RYR1: variants seen among roughly 807,000 people sequenced by gnomAD.
The protein encoded by RYR1 is ryanodine receptor 1.
Under a neutral mutation model 583.5 loss-of-function variants are expected in RYR1, and 342 were observed. That is an observed-to-expected ratio of 0.59 (90% CI 0.54 to 0.64). RYR1 has a LOEUF of 0.64. RYR1 is among the 30% of genes least tolerant of loss of function. The pLI is 0.00. For synonymous variants in RYR1, 2,791 were observed against 2,822.5 expected, an observed-to-expected ratio of 0.99 and a Z score of 0.35; for missense variants, 6,032 against 6,917.2, an observed-to-expected ratio of 0.87 and a Z score of 4.54.
intron 87 of RYR1, among the ~76,000 whole-genome samples, chr19:38,544,391 A>G (rs947330297): frequency 1.3e-5 from 2 of 152,158 alleles, no homozygotes; most frequent in Non-Finnish European, 2.9e-5. Flanking sequence ...AGCCTTGCCA[A>G]TGTCTCACGA....
At position 38,506,950 on chromosome 19, in the gene RYR1, A is replaced by G; in HGVS notation, c.8814A>G (p.Thr2938=). The change falls in exon 57 of 106, where the codon ACA becomes ACG. Residue 2938 remains threonine (T), a splice_region_variant and synonymous_variant. Coordinates refer to ENST00000359596, the MANE Select transcript of RYR1 (RefSeq NM_000540.3). ...KFLQMNGYAV[T]RGLKDMELDS... is the part of the protein sequence containing the mutation. ...TGCAGATGAATGGCTACGCGGTTAC[A>G]AGGCACGCGGGTTGGGGCTCCCGCG... 1 of 1,612,476 alleles carries G rather than the reference A, an allele frequency of 6.2e-7. No individual in the cohort carries two copies. The highest frequency in any genetic ancestry group is 8.5e-7 in the Non-Finnish European group (1 of 1,179,998).
rs756202842 is a variant in RYR1, at chr19:38,543,309, A to G, written c.11690-38A>G. Reference sequence around the variant, plus strand: ...ACCCACTGTTCATCTCCCCTAGCACATGGGAGGTGCTGGATAAATGACTTT... The same window carrying G: ...ACCCACTGTTCATCTCCCCTAGCACGTGGGAGGTGCTGGATAAATGACTTT... On this transcript the variant is annotated intron_variant, in intron 84 of 105. Transcript: ENST00000359596. This position sits in a 1 kb window ranked among gnomAD's most constrained non-coding sequence, Gnocchi z 4.4. 31 of 1,548,730 alleles carry G rather than the reference A, an allele frequency of 2.0e-5. No homozygotes were observed. Among genetic ancestry groups the G allele is most frequent in the Middle Eastern group, 3.4e-4 (2 of 5,954 alleles).
At chr19:38,549,126 C>T (rs529562561) in intron 89 of RYR1, among the ~76,000 whole-genome samples, 1 of 152,246 alleles carries the variant, frequency 6.6e-6, no homozygotes, top group East Asian at 1.9e-4. Flanking sequence ...CAGTCACTAA[C>T]TAGACCATTC....
chr19:38,486,322 T>C lies in RYR1; in HGVS notation c.5547+120T>C, dbSNP rs188013375. The C allele has an allele frequency of 2.5e-5, 30 of 1,195,050 alleles. No homozygotes were observed. In the Admixed American group the frequency reaches 4.9e-4, roughly 20 times the overall value. 74.0% of individuals were successfully genotyped at this position (1,195,050 alleles called of 1,614,324 possible). A position where few individuals can be genotyped will look rare whatever the true frequency, so the allele number is the denominator to read the frequency against. On this transcript the variant is annotated intron_variant, in intron 34 of 105. Transcript: ENST00000359596. ...CCAACCACCCATTCATTCCCTCCTC[T>C]ATACATCCATCCACCTTTCTTTTTA...
In RYR1 at chr19:38,485,906, A is replaced by G. The variant is rs774729213; in HGVS notation, c.5251A>G (p.Arg1751Gly). The G allele has an allele frequency of 6.2e-7, 1 of 1,613,768 alleles. No individual in the cohort carries two copies. Among genetic ancestry groups the G allele is most frequent in the Non-Finnish European group, 8.5e-7 (1 of 1,179,980 alleles). Residue 1751 changes from arginine (R) to glycine (G), a missense_variant, in exon 34 of 106, where the codon AGG becomes GGG. By Grantham distance (125) the Arg-to-Gly change is moderately radical. Around this residue, in one of 11 missense-constraint regions of RYR1, gnomAD observed 2,627 missense variants for 2,961.3 expected, o/e 0.89. Coordinates refer to ENST00000359596, the MANE Select transcript of RYR1 (RefSeq NM_000540.3). ...CGCCATCACGCTCTTCCCTCCTGGA[A>G]GGAGCACAGAAAATGGTCACCCCCG... The part of the protein sequence containing the change: ...TRAITLFPPG[R>G]STENGHPRHG...
At chr19:38,533,240 CA>C (rs1971821415) in intron 78 of RYR1, among the ~76,000 whole-genome samples, 1 of 152,118 alleles carries the variant, frequency 6.6e-6, no homozygotes, top group South Asian at 2.1e-4. Flanking sequence ...CAAGGCCAGG[CA>C]GCAAGAAAGA....
intron 9 of RYR1, among the ~76,000 whole-genome samples, chr19:38,447,569 C>T (rs112774101): frequency 0.071 from 8,828 of 124,900 alleles, 331 homozygotes; most frequent in Middle Eastern, 0.22. Context: ...AGGCCGGGGG[C>T]GGTGGCTCAC....
intron 55 of RYR1, 41 bp downstream of exon 55, chr19:38,506,418 T>G: frequency 6.2e-7 from 1 of 1,612,684 alleles, no homozygotes. Flanking sequence ...AGGGTGTCTT[T>G]GGGGGGGCTG....
At chr19:38,574,536 G>A (rs1217719492) in intron 96 of RYR1, among the ~76,000 whole-genome samples, 1 of 152,132 alleles carries the variant, frequency 6.6e-6, no homozygotes, top group Non-Finnish European at 1.5e-5. Context: ...GGAGGCTGAG[G>A]CTGGAGGATG....
intron 19 of RYR1, among the ~76,000 whole-genome samples, chr19:38,459,657 C>T (rs1183992717): frequency 1.0e-5 from 1 of 95,462 alleles, no homozygotes; most frequent in African/African-American, 3.4e-5. Context: ...TTCCCAGTGA[C>T]TCCAGAATCT....
At chr19:38,564,731 G>C (rs890041411) in intron 90 of RYR1, among the ~76,000 whole-genome samples, 3 of 152,130 alleles carry the variant, frequency 2.0e-5, no homozygotes, top group Non-Finnish European at 2.9e-5. Context: ...GGCCAGGCTG[G>C]TCTCGAACTC....
chr19:38,526,836 C>A, intron 71 of RYR1, 157 bp from the exon 72 acceptor site: 1 of 716,060 alleles, frequency 1.4e-6, no homozygotes. Context: ...CTTCTGACCC[C>A]GTCAACCTCT....
chr19:38,504,254 A>G lies in RYR1; in HGVS notation c.7961A>G (p.Tyr2654Cys). ...AACCACTATGAGCGCTGTTGGAAGT[A>G]CTACTGCCTACCCACGGGCTGGGCC... Reference protein sequence around the residue: ...LTNHYERCWKYYCLPTGWANF... With the variant: ...LTNHYERCWKCYCLPTGWANF... The change falls in exon 50 of 106, where the codon TAC becomes TGC. Residue 2654 changes from tyrosine (Y) to cysteine (C), a missense_variant. Around this residue, in one of 11 missense-constraint regions of RYR1, gnomAD observed 1,493 missense variants for 1,715.5 expected, o/e 0.87. Coordinates refer to ENST00000359596, the MANE Select transcript of RYR1 (RefSeq NM_000540.3). The G allele has an allele frequency of 6.2e-7, 1 of 1,614,016 alleles. No homozygotes were observed. The highest frequency in any genetic ancestry group is 8.5e-7 in the Non-Finnish European group (1 of 1,179,998).
chr19:38,527,956 G>T, intron 73 of RYR1, 172 bp downstream of exon 73: 1 of 723,804 alleles, frequency 1.4e-6, no homozygotes, highest in South Asian at 1.9e-5. Flanking sequence ...GGAGGGGTCT[G>T]CTGCTTAATC....
chr19:38,473,682 C>A lies in RYR1; in HGVS notation c.4071C>A (p.Pro1357=), dbSNP rs375709463. Residue 1357 remains proline, a synonymous_variant, in exon 28 of 106, where the codon CCC becomes CCA. Transcript: ENST00000359596. ...AAGGGACTGCGAAGGAGGGCGCCCC[C>A]GGGGGCACCCCGCAGGCGGGGGGAG... is the stretch of plus-strand genomic sequence containing the variant. ...GKEGTAKEGA[P]GGTPQAGGEA... is the part of the protein sequence containing the mutation. 1 of 1,550,296 alleles carries A rather than the reference C, an allele frequency of 6.5e-7. No homozygotes were observed. The highest frequency in any genetic ancestry group is 2.4e-5 in the East Asian group (1 of 41,070).
At chr19:38,460,172 C>T (rs1967649182) in intron 19 of RYR1, among the ~76,000 whole-genome samples, 1 of 152,142 alleles carries the variant, frequency 6.6e-6, no homozygotes, top group Non-Finnish European at 1.5e-5. Flanking sequence ...CTCCCTGGCT[C>T]TTAATTCCCT....
At chr19:38,455,113 T>C in intron 13 of RYR1, 122 bp from the exon 14 acceptor site, 1 of 1,206,092 alleles carries the variant, frequency 8.3e-7, no homozygotes, top group Non-Finnish European at 1.2e-6. Context: ...AAGGGGCTGA[T>C]TTAGATCTGG....
At chr19:38,583,363 C>T (rs868422707) in intron 101 of RYR1, among the ~76,000 whole-genome samples, 6 of 151,162 alleles carry the variant, frequency 4.0e-5, no homozygotes, top group African/African-American at 7.3e-5. Flanking sequence ...CCTGTATTCC[C>T]GACTACTCAG....
intron 20 of RYR1, among the ~76,000 whole-genome samples, chr19:38,462,857 AC>A (rs1243341163): frequency 1.4e-5 from 2 of 141,960 alleles, no homozygotes; most frequent in Non-Finnish European, 3.0e-5. Context: ...GGGGAGACAG[AC>A]CCGTCCCAGA....
Sources: allele counts gnomAD v4.1 joint callset (sites outside exome capture counted in the v4.1 genomes callset), GRCh38; gene constraint gnomAD v4.1.1; regional missense constraint gnomAD v4.1.1; non-coding constraint Gnocchi (gnomAD v3.1); transcripts MANE v1.5; gene names NCBI Gene and HGNC (gene_info 2026-07-23, HGNC 2026-07-21).